SPON1: variants seen among roughly 807,000 people sequenced by gnomAD.
SPON1 encodes spondin-1.
Under a neutral mutation model 111.7 loss-of-function variants are expected in SPON1, and 52 were observed. The ratio of observed to expected loss-of-function variants is 0.47; its 90% confidence interval spans 0.37 to 0.59. The LOEUF (loss-of-function observed/expected upper bound fraction) is 0.59, where lower values mean the gene tolerates loss of function less well. Ranked by LOEUF, SPON1 falls within the 20% of genes least tolerant of loss-of-function variation. SPON1 has a pLI of 0.00. For missense variants in SPON1, 957 were observed against 1,068.5 expected, an observed-to-expected ratio of 0.90 and a Z score of 1.46; for synonymous variants, 410 against 395.8, an observed-to-expected ratio of 1.04 and a Z score of -0.43.
intron 5 of SPON1, among the ~76,000 whole-genome samples, chr11:14,101,414 A>C (rs1849143252): frequency 6.6e-6 from 1 of 151,940 alleles, no homozygotes; most frequent in Non-Finnish European, 1.5e-5. Flanking sequence ...AATAATAATA[A>C]TTTAAAAATA....
rs1158077913 is a variant in SPON1, at chr11:14,160,762, TTATA to T, written c.825+25198_825+25201del. 1.1e-4 allele frequency among the ~76,000 whole-genome samples: 5 copies of T among 43,692 alleles called. 2 individuals carry two copies. In the East Asian group the frequency reaches 4.8e-3, roughly 42 times the overall value. 28.7% of individuals were successfully genotyped at this position (43,692 alleles called of 152,430 possible). On this transcript the variant is annotated intron_variant, in intron 6 of 15. Transcript: ENST00000576479. ...TTAATTTATATATATTTATATATAT[TTATA>T]TATTTATATATATTTTTATATATAT... is the stretch of plus-strand genomic sequence containing the variant.
intron 6 of SPON1, among the ~76,000 whole-genome samples, chr11:14,216,183 C>A (rs1162937075): frequency 6.6e-6 from 1 of 152,178 alleles, no homozygotes; most frequent in African/African-American, 2.4e-5. Flanking sequence ...AGCCTCTGAA[C>A]CCCATGCTAC....
At chr11:14,037,811 G>T (rs1554916832) in intron 2 of SPON1, among the ~76,000 whole-genome samples, 1 of 152,200 alleles carries the variant, frequency 6.6e-6, no homozygotes, top group Admixed American at 6.5e-5. Flanking sequence ...CAGATTTGAA[G>T]AAAGTATTTG....
intron 2 of SPON1, among the ~76,000 whole-genome samples, chr11:13,996,260 C>T (rs1457953100): frequency 1.3e-5 from 2 of 152,174 alleles, no homozygotes; most frequent in Non-Finnish European, 2.9e-5. Context: ...AATGCCTCTG[C>T]AGAGCTATAA....
chr11:14,201,080 C>T (rs1554935573), intron 6 of SPON1, among the ~76,000 whole-genome samples: 3 of 152,048 alleles, frequency 2.0e-5, no homozygotes, highest in Non-Finnish European at 2.9e-5. Flanking sequence ...GTGGCTCACA[C>T]CTGTAATCCC....
At chr11:14,068,292 C>G (rs1252945038) in intron 3 of SPON1, among the ~76,000 whole-genome samples, 1 of 152,138 alleles carries the variant, frequency 6.6e-6, no homozygotes, top group Non-Finnish European at 1.5e-5. Flanking sequence ...AAACTGAGCA[C>G]TAAAACTAGC....
intron 2 of SPON1, among the ~76,000 whole-genome samples, chr11:14,005,911 T>C (rs571124623): frequency 1.1e-4 from 17 of 152,168 alleles, no homozygotes; most frequent in African/African-American, 3.1e-4. Context: ...GCTCGGTTTC[T>C]TCCTGCTTGG....
At chr11:13,981,633 A>AT (rs1304438279) in intron 1 of SPON1, among the ~76,000 whole-genome samples, 2 of 152,158 alleles carry the variant, frequency 1.3e-5, no homozygotes, top group Non-Finnish European at 2.9e-5. Flanking sequence ...GCCGAGCTAG[A>AT]TTTTAACGGA....
At position 14,106,222 on chromosome 11, in the gene SPON1, C is replaced by T. The variant is rs1849183196; in HGVS notation, c.676+26201C>T. On this transcript the variant is annotated intron_variant, in intron 5 of 15. Coordinates refer to ENST00000576479, the MANE Select transcript of SPON1 (RefSeq NM_006108.4). ...TACTATTTCCTTCAAACCTATTTGC[C>T]AGTTCCTCTGCTGTGATTCCAAGAA... Among the ~76,000 whole-genome samples the T allele has an allele frequency of 2.6e-5, 4 of 152,270 alleles. 1 individual carries two copies. The Middle Eastern group carries it at 0.01, about 388-fold the overall frequency.
chr11:14,181,046 C>T (rs1295102423), intron 6 of SPON1, among the ~76,000 whole-genome samples: 2 of 152,194 alleles, frequency 1.3e-5, no homozygotes, highest in Non-Finnish European at 2.9e-5. Flanking sequence ...AACATGGCCC[C>T]ACACTGTCCC....
chr11:14,046,242 T>C (rs1848667281), intron 3 of SPON1, among the ~76,000 whole-genome samples: 1 of 152,176 alleles, frequency 6.6e-6, no homozygotes, highest in African/African-American at 2.4e-5. Context: ...GGGAAGCAAC[T>C]AGCCTCAGGT....
chr11:14,062,282 T>C (rs1848797184), intron 3 of SPON1, among the ~76,000 whole-genome samples: 1 of 152,182 alleles, frequency 6.6e-6, no homozygotes, highest in Admixed American at 6.5e-5. Flanking sequence ...AAGTCTAATA[T>C]GGATGACTTT....
chr11:14,225,355 T>G (rs1056286957), intron 6 of SPON1, among the ~76,000 whole-genome samples: 2 of 152,180 alleles, frequency 1.3e-5, no homozygotes, highest in African/African-American at 2.4e-5. Context: ...AAATTTATTA[T>G]AAAAATGTTT....
chr11:14,185,073 T>C, intron 6 of SPON1, among the ~76,000 whole-genome samples: 1 of 152,238 alleles, frequency 6.6e-6, no homozygotes, highest in Non-Finnish European at 1.5e-5. Context: ...ATGAATCTCT[T>C]GTGCAACCCT....
At chr11:14,225,689 G>T (rs1055856289) in intron 6 of SPON1, among the ~76,000 whole-genome samples, 1 of 152,200 alleles carries the variant, frequency 6.6e-6, no homozygotes, top group African/African-American at 2.4e-5. Flanking sequence ...AGTTAGAGAA[G>T]ATCGGATTAT....
intron 6 of SPON1, among the ~76,000 whole-genome samples, chr11:14,212,110 C>T (rs1287394478): frequency 1.4e-5 from 2 of 146,688 alleles, no homozygotes; most frequent in African/African-American, 5.0e-5. Context: ...TAATGTTAGT[C>T]TTTTATTGAT....
At chr11:14,178,051 C>T (rs1848198135) in intron 6 of SPON1, among the ~76,000 whole-genome samples, 1 of 150,378 alleles carries the variant, frequency 6.6e-6, no homozygotes, top group African/African-American at 2.5e-5. Context: ...CACAAACACA[C>T]ACACACACAC....
intron 5 of SPON1, among the ~76,000 whole-genome samples, chr11:14,083,529 T>C (rs1554922259): frequency 6.6e-6 from 1 of 152,238 alleles, no homozygotes; most frequent in African/African-American, 2.4e-5. Flanking sequence ...GTCATTGCTT[T>C]ACCTTCTACT....
intron 6 of SPON1, among the ~76,000 whole-genome samples, chr11:14,160,739 A>AT (rs1333343096): frequency 2.0e-4 from 5 of 25,290 alleles, no homozygotes; most frequent in East Asian, 2.1e-3. Flanking sequence ...ATATATATTT[A>AT]ATTTATATAT....
Sources: allele counts gnomAD v4.1 joint callset (sites outside exome capture counted in the v4.1 genomes callset), GRCh38; gene constraint gnomAD v4.1.1; transcripts MANE v1.5; gene names NCBI Gene and HGNC (gene_info 2026-07-23, HGNC 2026-07-21).